SLC30A6: variants seen among roughly 807,000 people sequenced by gnomAD.
SLC30A6 encodes zinc transporter 6.
Under a neutral mutation model 63.0 loss-of-function variants are expected in SLC30A6, and 55 were observed. The observed-to-expected ratio is 0.87, with a 90% CI of 0.70 to 1.09. The LOEUF (loss-of-function observed/expected upper bound fraction) is 1.09. Ranked by LOEUF, SLC30A6 falls within the 50% of genes least tolerant of loss-of-function variation. The pLI is 0.00. For missense variants in SLC30A6, 587 were observed against 549.2 expected, an observed-to-expected ratio of 1.07 and a Z score of -0.69; for synonymous variants, 224 against 186.1, an observed-to-expected ratio of 1.20 and a Z score of -1.66.
In SLC30A6 at chr2:32,175,313, T is replaced by G; in HGVS notation, c.176-6T>G. The G allele has an allele frequency of 6.2e-7, 1 of 1,610,270 alleles. No individual in the cohort carries two copies. Among genetic ancestry groups the G allele is most frequent in the African/African-American group, 1.3e-5 (1 of 74,854 alleles). On this transcript the variant is annotated splice_polypyrimidine_tract_variant and splice_region_variant and intron_variant, in intron 3 of 13. Coordinates refer to ENST00000282587, the MANE Select transcript of SLC30A6 (RefSeq NM_017964.5). Reference sequence around the variant, plus strand: ...TACTTTTAATCATTTTTTTGTTGTTTTGCAGCTTTAACTGCCTATACTTAC... The same window carrying G: ...TACTTTTAATCATTTTTTTGTTGTTGTGCAGCTTTAACTGCCTATACTTAC...
chr2:32,190,320 A>G (rs1356132720), intron 5 of SLC30A6, among the ~76,000 whole-genome samples: 2 of 151,942 alleles, frequency 1.3e-5, no homozygotes, highest in African/African-American at 2.4e-5. Flanking sequence ...TTAGCCACAC[A>G]TGGTGGTGGG....
At chr2:32,183,631 TGA>T (rs1682542170) in intron 4 of SLC30A6, among the ~76,000 whole-genome samples, 1 of 145,950 alleles carries the variant, frequency 6.9e-6, no homozygotes, top group African/African-American at 2.6e-5. Flanking sequence ...GAGGTTTCAG[TGA>T]GCCGAGATGG....
chr2:32,217,792 G>T (rs1318172454), intron 13 of SLC30A6, among the ~76,000 whole-genome samples: 1 of 150,806 alleles, frequency 6.6e-6, no homozygotes, highest in African/African-American at 2.4e-5. Flanking sequence ...TTGGTTAGAT[G>T]TATTTCTAGG....
In SLC30A6 at chr2:32,182,673, C is replaced by T. The variant is rs571335318; in HGVS notation, c.219-1600C>T. ...TTCCTGTAGGTCAGCGTTCCCTACT[C>T]GCAAATCCAGGGATAGAAATACAAA... is the stretch of plus-strand genomic sequence containing the variant. On this transcript the variant is annotated intron_variant, in intron 4 of 13. Coordinates refer to ENST00000282587, the MANE Select transcript of SLC30A6 (RefSeq NM_017964.5). Among the ~76,000 whole-genome samples, 7 of 152,264 alleles carry T rather than the reference C, an allele frequency of 4.6e-5. No individual in the cohort carries two copies. The South Asian group carries it at 8.3e-4, about 18-fold the overall frequency.
chr2:32,172,961 C>T (rs1013842019), intron 2 of SLC30A6, among the ~76,000 whole-genome samples: 36 of 152,204 alleles, frequency 2.4e-4, no homozygotes, highest in Non-Finnish European at 4.1e-4. Flanking sequence ...GCCTTCCCTC[C>T]TATTTCTCTG....
In SLC30A6 at chr2:32,213,884, A is replaced by G. The variant is rs189198006; in HGVS notation, c.885+4323A>G. Among the ~76,000 whole-genome samples, 345 of 146,672 alleles carry G rather than the reference A, an allele frequency of 2.4e-3. 4 individuals are homozygous for G. The highest frequency in any genetic ancestry group is 2.1e-3 in the Non-Finnish European group (140 of 67,486). On this transcript the variant is annotated intron_variant, in intron 13 of 13. Coordinates refer to ENST00000282587, the MANE Select transcript of SLC30A6 (RefSeq NM_017964.5). ...AATGGCATGATCTTGGCTCACTGCAACCTCCGCCTCCTGAGTTCAAGCAAC... is the reference window on the plus strand; with the variant it reads ...AATGGCATGATCTTGGCTCACTGCAGCCTCCGCCTCCTGAGTTCAAGCAAC...
intron 5 of SLC30A6, among the ~76,000 whole-genome samples, chr2:32,189,456 T>G (rs1229599648): frequency 2.0e-5 from 3 of 151,458 alleles, no homozygotes; most frequent in South Asian, 2.1e-4. Context: ...CATGCCTAAT[T>G]TTTTTTATTT....
At chr2:32,192,142 T>A (rs1315232193) in intron 5 of SLC30A6, among the ~76,000 whole-genome samples, 194 bp from the exon 6 acceptor site, 1 of 151,982 alleles carries the variant, frequency 6.6e-6, no homozygotes, top group African/African-American at 2.4e-5. Context: ...TACAAATAGG[T>A]ACTCCTTGGA....
At chr2:32,209,058 A>G (rs546644158) in intron 12 of SLC30A6, among the ~76,000 whole-genome samples, 14 of 152,288 alleles carry the variant, frequency 9.2e-5, no homozygotes, top group African/African-American at 2.9e-4. Flanking sequence ...CTAGACTCAC[A>G]TCCAAACAAC....
At chr2:32,165,981 A>C in intron 1 of SLC30A6, 78 bp downstream of exon 1, 1 of 1,603,274 alleles carries the variant, frequency 6.2e-7, no homozygotes, top group Non-Finnish European at 8.5e-7. Context: ...CGACCTTGAA[A>C]TCCCTCAGCC....
At chr2:32,174,833 T>C (rs1403605996) in intron 3 of SLC30A6, among the ~76,000 whole-genome samples, 1 of 152,188 alleles carries the variant, frequency 6.6e-6, no homozygotes, top group Non-Finnish European at 1.5e-5. Context: ...ATTACAGGCG[T>C]GAGCCACCGT....
intron 12 of SLC30A6, 137 bp from the exon 13 acceptor site, chr2:32,209,356 C>A: frequency 3.2e-6 from 2 of 616,056 alleles, no homozygotes; most frequent in Non-Finnish European, 5.6e-6. Context: ...TGGTCTGAGA[C>A]TTCTCTTAGC....
intron 13 of SLC30A6, among the ~76,000 whole-genome samples, chr2:32,219,820 C>T (rs776859071): frequency 7.2e-5 from 11 of 152,100 alleles, no homozygotes; most frequent in South Asian, 6.2e-4. Flanking sequence ...GTGTGGAATG[C>T]GTCTCTACTT....
At chr2:32,167,464 T>C (rs971422129) in intron 1 of SLC30A6, among the ~76,000 whole-genome samples, 10 of 151,904 alleles carry the variant, frequency 6.6e-5, no homozygotes, top group African/African-American at 2.4e-4. Context: ...AATCATGCTG[T>C]ATTAATTGAG....
chr2:32,204,182 C>A (rs1684540791), intron 10 of SLC30A6, among the ~76,000 whole-genome samples: 2 of 151,994 alleles, frequency 1.3e-5, no homozygotes, highest in African/African-American at 4.8e-5. Flanking sequence ...ACCAGTTATA[C>A]CTTTGAATTA....
intron 10 of SLC30A6, chr2:32,202,435 T>C: frequency 3.8e-6 from 1 of 262,626 alleles, no homozygotes; most frequent in Non-Finnish European, 7.4e-6. Context: ...GTTCACACCA[T>C]TTTCCTGCCT....
intron 7 of SLC30A6, among the ~76,000 whole-genome samples, chr2:32,193,269 G>C (rs1003939411): frequency 1.3e-5 from 2 of 151,974 alleles, no homozygotes; most frequent in Admixed American, 6.6e-5. Flanking sequence ...CAAAATCTTT[G>C]CATAGCACCT....
intron 13 of SLC30A6, among the ~76,000 whole-genome samples, chr2:32,211,178 T>A (rs1298767438): frequency 1.3e-5 from 2 of 152,244 alleles, no homozygotes; most frequent in Non-Finnish European, 2.9e-5. Context: ...ACACCATGGC[T>A]TTGGCTCATT....
In SLC30A6 at chr2:32,171,289, G is replaced by T. The variant is rs757924302; in HGVS notation, c.6G>T (p.Gly2=). The change falls in exon 2 of 14, where the codon GGG becomes GGT. Residue 2 remains glycine, a splice_region_variant and synonymous_variant. Coordinates refer to ENST00000282587, the MANE Select transcript of SLC30A6 (RefSeq NM_017964.5). ...ATTTGTATATGTTTGTTTGAAAGGGGACAATTCATCTCTTTCGAAAACCAC... is the reference window on the plus strand; with the variant it reads ...ATTTGTATATGTTTGTTTGAAAGGGTACAATTCATCTCTTTCGAAAACCAC... M[G]TIHLFRKPQR... 1.9e-6 allele frequency: 3 copies of T among 1,612,956 alleles called. No individual in the cohort carries two copies. The East Asian group carries it at 6.7e-5, about 36-fold the overall frequency.
Sources: gnomAD v4.1 joint callset for allele counts (sites outside exome capture counted in the v4.1 genomes callset) on GRCh38, gnomAD v4.1.1 for gene constraint, MANE v1.5 for transcripts, NCBI Gene and HGNC (gene_info 2026-07-23, HGNC 2026-07-21) for gene names.